The following AVEN variants were observed in gnomAD, a reference collection of about 807,000 sequenced individuals.
AVEN encodes apoptosis and caspase activation inhibitor.
Under a neutral mutation model 38.1 loss-of-function variants are expected in AVEN, and 41 were observed. The ratio of observed to expected loss-of-function variants is 1.08; its 90% CI spans 0.84 to 1.40. The LOEUF is 1.40. Ranked by LOEUF, AVEN falls within the 40% of genes most tolerant of loss-of-function variation. AVEN has a pLI of 0.00. For synonymous variants in AVEN, 206 were observed against 171.8 expected (o/e 1.20, Z -1.56); for missense variants, 605 against 438.8 (o/e 1.38, Z -3.38).
intron 2 of AVEN, among the ~76,000 whole-genome samples, chr15:33,887,332 A>G (rs1891746472): frequency 6.6e-6 from 1 of 152,166 alleles, no homozygotes; most frequent in Non-Finnish European, 1.5e-5. Context: ...CATTTTGAAA[A>G]CTTGTAATAT....
chr15:33,877,912 G>A (rs1339220018), intron 2 of AVEN, among the ~76,000 whole-genome samples: 1 of 152,104 alleles, frequency 6.6e-6, no homozygotes, highest in African/African-American at 2.4e-5. Context: ...TCACACCACT[G>A]CACTCCAGCT....
chr15:33,952,755 A>C (rs1349911814), intron 2 of AVEN, among the ~76,000 whole-genome samples: 1 of 152,048 alleles, frequency 6.6e-6, no homozygotes, highest in Admixed American at 6.6e-5. Flanking sequence ...TCAACCAATA[A>C]GTATGTCTGA....
At chr15:34,074,765 G>A (rs1015002871) in exon 1 of AVEN, among the ~76,000 whole-genome samples, 2 of 152,122 alleles carry the variant, frequency 1.3e-5, no homozygotes, top group Non-Finnish European at 2.9e-5. Flanking sequence ...TGGGAGTTAG[G>A]ACTCCAATGT....
chr15:34,019,812 A>G (rs1898122697), intron 1 of AVEN, among the ~76,000 whole-genome samples: 1 of 152,220 alleles, frequency 6.6e-6, no homozygotes, highest in Non-Finnish European at 1.5e-5. Flanking sequence ...AGTACCCTCT[A>G]TGGTATTGCA....
At chr15:34,008,982 T>C (rs1332516150) in intron 1 of AVEN, among the ~76,000 whole-genome samples, 9 of 133,934 alleles carry the variant, frequency 6.7e-5, no homozygotes, top group Non-Finnish European at 1.4e-4. Context: ...ACACAGACCA[T>C]CGAGAAAACA....
chr15:34,051,435 G>C (rs1282617871), intron 5 of AVEN, among the ~76,000 whole-genome samples: 1 of 152,146 alleles, frequency 6.6e-6, no homozygotes, highest in Non-Finnish European at 1.5e-5. Context: ...AAAAGAACTA[G>C]AGAATCAAGA....
At chr15:33,913,452 C>T (rs563932982) in intron 2 of AVEN, among the ~76,000 whole-genome samples, 3 of 152,264 alleles carry the variant, frequency 2.0e-5, no homozygotes, top group South Asian at 4.2e-4. Flanking sequence ...CATTACAGAA[C>T]ATAAGGGGCT....
chr15:34,038,916 C>G lies in AVEN; in HGVS notation c.131G>C (p.Gly44Ala). 4.2e-6 allele frequency: 3 copies of G among 715,098 alleles called. No homozygotes were observed. The highest frequency in any genetic ancestry group is 5.2e-6 in the Non-Finnish European group (3 of 572,194). The allele number at this position is 715,098 out of a possible 1,614,324, so 44.3% of individuals were successfully genotyped here. ...GCCCCGGCGTCCGCCTCCGTCCCCGCCGCCGCCTCCGCCGCCGCCTCTGGC... is the reference window on the plus strand; with the variant it reads ...GCCCCGGCGTCCGCCTCCGTCCCCGGCGCCGCCTCCGCCGCCGCCTCTGGC... ...AVARGGGGGGGGDGGGRRGRG... is the reference protein window; with the variant it reads ...AVARGGGGGGAGDGGGRRGRG... The change falls in exon 1 of 6, where the codon GGC becomes GCC. Residue 44 changes from glycine (G) to alanine (A), a missense_variant. By Grantham distance (60) the Gly-to-Ala change is moderately conservative. Transcript: ENST00000306730.
At chr15:33,942,076 C>T (rs1181878940) in intron 2 of AVEN, among the ~76,000 whole-genome samples, 2 of 152,144 alleles carry the variant, frequency 1.3e-5, no homozygotes, top group Non-Finnish European at 2.9e-5. Flanking sequence ...CGTTACAGCA[C>T]TTGAAGACTT....
intron 2 of AVEN, among the ~76,000 whole-genome samples, chr15:33,992,691 A>C (rs910899511): frequency 1.3e-5 from 2 of 152,206 alleles, no homozygotes; most frequent in African/African-American, 4.8e-5. Flanking sequence ...TGAATCAATG[A>C]GGACAAATAA....
At chr15:33,883,548 TCAGTA>T (rs1241765920) in intron 2 of AVEN, 4 of 152,130 alleles carry the variant, frequency 2.6e-5, no homozygotes, top group African/African-American at 7.2e-5. Context: ...AAAGCACGCT[TCAGTA>T]TAGTATGAAT....
At position 33,872,598 on chromosome 15, in the gene AVEN, C is replaced by T. The variant is rs1347405997; in HGVS notation, c.517-1568G>A. On this transcript the variant is annotated intron_variant, in intron 3 of 5. Coordinates refer to ENST00000306730, the MANE Select transcript of AVEN (RefSeq NM_020371.3). Reference sequence around the variant, plus strand: ...CCTTTAAAAGCCAGGCCCTCAGGAACGGCCGCATATCACTCAGCAGCCAGC... The same window carrying T: ...CCTTTAAAAGCCAGGCCCTCAGGAATGGCCGCATATCACTCAGCAGCCAGC... Among the ~76,000 whole-genome samples, 6 of 151,890 alleles carry T rather than the reference C, an allele frequency of 4.0e-5. No individual in the cohort carries two copies. In the South Asian group the frequency reaches 6.2e-4, roughly 16 times the overall value.
At chr15:33,904,694 AAT>A (rs1223406628) in intron 2 of AVEN, among the ~76,000 whole-genome samples, 47 of 112,742 alleles carry the variant, frequency 4.2e-4, no homozygotes, top group South Asian at 2.5e-3. Flanking sequence ...AAAAAAAAAA[AAT>A]ATATATATAT....
intron 2 of AVEN, among the ~76,000 whole-genome samples, chr15:33,918,298 A>G (rs1187598095): frequency 6.6e-6 from 1 of 152,206 alleles, no homozygotes; most frequent in Admixed American, 6.5e-5. Context: ...TTTTAAGCTC[A>G]TTTAGCTCCT....
chr15:33,867,446 G>A, intron 5 of AVEN, 49 bp downstream of exon 5: 1 of 1,533,790 alleles, frequency 6.5e-7, no homozygotes, highest in East Asian at 2.3e-5. Flanking sequence ...GGCTGTTCTT[G>A]AAAAAACACC....
At chr15:34,064,436 A>G (rs888859238) in intron 4 of AVEN, 2 of 1,269,506 alleles carry the variant, frequency 1.6e-6, no homozygotes, top group African/African-American at 3.0e-5. Flanking sequence ...GTCCTTGAAG[A>G]TTTTTGTAAA....
chr15:33,886,923 C>T (rs1208618775), intron 2 of AVEN, among the ~76,000 whole-genome samples: 2 of 152,144 alleles, frequency 1.3e-5, no homozygotes, highest in East Asian at 3.9e-4. Context: ...AGAGCTCCTG[C>T]TATCCCATCA....
chr15:34,017,256 T>A (rs887103644), intron 1 of AVEN, among the ~76,000 whole-genome samples: 4 of 152,058 alleles, frequency 2.6e-5, no homozygotes, highest in African/African-American at 9.7e-5. Context: ...TGAGCTCTCA[T>A]ACAAAATGAA....
chr15:34,050,137 C>T (rs1433475056), intron 5 of AVEN, among the ~76,000 whole-genome samples: 1 of 152,090 alleles, frequency 6.6e-6, no homozygotes, highest in Admixed American at 6.5e-5. Context: ...ATCCACCCAC[C>T]TCGGCCTCCC....
Sources: gnomAD v4.1 joint callset for allele counts (sites outside exome capture counted in the v4.1 genomes callset) on GRCh38, gnomAD v4.1.1 for gene constraint, MANE v1.5 for transcripts, NCBI Gene and HGNC (gene_info 2026-07-23, HGNC 2026-07-21) for gene names.